The following TMEM272 variants were observed in gnomAD, a reference collection of about 807,000 sequenced individuals.
TMEM272 encodes the protein transmembrane protein 272, also known as long intergenic non-protein coding RNA 282.
Under a neutral mutation model 3.7 loss-of-function variants are expected in TMEM272, and 8 were observed. That is an observed-to-expected ratio of 2.17 (90% confidence interval 1.27 to 3.91). The LOEUF (loss-of-function observed/expected upper bound fraction) is 3.91. Ranked by LOEUF, TMEM272 falls within the 30% of genes most tolerant of loss-of-function variation. The pLI, the probability that TMEM272 is intolerant of heterozygous loss-of-function variation, is 0.00. For missense variants in TMEM272, 166 were observed against 91.5 expected (o/e 1.81, Z -3.32); for synonymous variants, 63 against 39.8 (o/e 1.58, Z -2.20).
the TMEM272 span, among the ~76,000 whole-genome samples, chr13:51,926,917 T>C: frequency 6.6e-6 from 1 of 152,120 alleles, no homozygotes; most frequent in Non-Finnish European, 1.5e-5. Context: ...CAAACATATA[T>C]ATAAAACACT....
chr13:51,829,240 G>A (rs1183489872), intron 2 of TMEM272, among the ~76,000 whole-genome samples: 2 of 151,932 alleles, frequency 1.3e-5, no homozygotes, highest in Admixed American at 6.6e-5. Flanking sequence ...TAAGATGAAC[G>A]GTAAAATATA....
intron 2 of TMEM272, among the ~76,000 whole-genome samples, chr13:51,835,457 G>A (rs1054248618): frequency 1.1e-4 from 17 of 152,042 alleles, no homozygotes; most frequent in Non-Finnish European, 4.4e-5. Flanking sequence ...ATCTCTTGAC[G>A]TCGTGATCTG....
chr13:51,928,699 C>T, the TMEM272 span, among the ~76,000 whole-genome samples: 1 of 152,026 alleles, frequency 6.6e-6, no homozygotes, highest in Non-Finnish European at 1.5e-5. Context: ...GTAGAGTGGC[C>T]CCCAGGGATT....
intron 4 of TMEM272, among the ~76,000 whole-genome samples, chr13:51,819,515 G>T (rs1956061157): frequency 6.6e-6 from 1 of 152,214 alleles, no homozygotes; most frequent in Admixed American, 6.5e-5. Flanking sequence ...CCAGCCCAAG[G>T]AAAGAGCCGT....
intron 3 of TMEM272, among the ~76,000 whole-genome samples, chr13:51,826,063 G>A (rs1010485757): frequency 6.0e-5 from 9 of 148,844 alleles, no homozygotes; most frequent in African/African-American, 2.0e-4. Context: ...CCTGACCTTC[G>A]CTAGACCTCA....
chr13:51,822,444 A>G (rs1453131296), intron 3 of TMEM272, among the ~76,000 whole-genome samples: 1 of 152,218 alleles, frequency 6.6e-6, no homozygotes, highest in African/African-American at 2.4e-5. Flanking sequence ...CTGAATAGCC[A>G]GTGTATGAGA....
At chr13:51,864,252 C>T in the TMEM272 span, among the ~76,000 whole-genome samples, 53 of 152,100 alleles carry the variant, frequency 3.5e-4, no homozygotes, top group African/African-American at 1.3e-3. Flanking sequence ...ACACATGAAA[C>T]CGCCACCAAG....
chr13:51,846,159 C>G (rs934192552), upstream of TMEM272, among the ~76,000 whole-genome samples: 1 of 152,178 alleles, frequency 6.6e-6, no homozygotes, highest in African/African-American at 2.4e-5. Flanking sequence ...TCTCCCAGTC[C>G]TGAATCCAAG....
At chr13:51,822,024 G>A in intron 4 of TMEM272, 31 bp downstream of exon 4, 1 of 702,364 alleles carries the variant, frequency 1.4e-6, no homozygotes. Flanking sequence ...ATTTCTACAA[G>A]GACTACAAAC....
chr13:51,866,130 T>A, the TMEM272 span: 1 of 1,458,696 alleles, frequency 6.9e-7, no homozygotes, highest in Non-Finnish European at 9.2e-7. Context: ...TGGGTTGGGA[T>A]TCAAGTCCAG....
the TMEM272 span, among the ~76,000 whole-genome samples, chr13:51,932,173 G>A: frequency 2.4e-4 from 36 of 152,128 alleles, no homozygotes; most frequent in East Asian, 5.8e-3. Context: ...ACTCCCTTCA[G>A]GTGTGGCTCA....
chr13:51,917,646 G>A, the TMEM272 span, among the ~76,000 whole-genome samples: 57 of 152,290 alleles, frequency 3.7e-4, no homozygotes, highest in African/African-American at 1.3e-3. Context: ...AGGGCTCTGC[G>A]CTAAAAGCAA....
intron 1 of TMEM272, among the ~76,000 whole-genome samples, chr13:51,843,479 C>G (rs1228084214): frequency 6.6e-6 from 1 of 152,144 alleles, no homozygotes; most frequent in East Asian, 1.9e-4. Context: ...AGAGCAAATA[C>G]ATACTAATGA....
At chr13:51,883,387 G>T in the TMEM272 span, among the ~76,000 whole-genome samples, 11 of 152,218 alleles carry the variant, frequency 7.2e-5, no homozygotes, top group African/African-American at 2.7e-4. Context: ...CGAAGAGTGA[G>T]CAAGACAGAG....
At chr13:51,871,583 G>A in the TMEM272 span, among the ~76,000 whole-genome samples, 1 of 152,038 alleles carries the variant, frequency 6.6e-6, no homozygotes, top group Non-Finnish European at 1.5e-5. Context: ...ATGTCAGTGA[G>A]CCACTTTGGA....
the TMEM272 span, among the ~76,000 whole-genome samples, chr13:51,858,851 T>A: frequency 6.6e-6 from 1 of 152,078 alleles, no homozygotes; most frequent in Non-Finnish European, 1.5e-5. Flanking sequence ...CCTTCCCCCC[T>A]GCAAACAGTG....
chr13:51,914,442 G>A, the TMEM272 span, among the ~76,000 whole-genome samples: 2 of 152,236 alleles, frequency 1.3e-5, no homozygotes, highest in Admixed American at 1.3e-4. Flanking sequence ...CACCTTGCAG[G>A]TCTTGAGACT....
the TMEM272 span, chr13:51,921,419 G>A: frequency 3.9e-5 from 6 of 152,296 alleles, no homozygotes; most frequent in African/African-American, 1.4e-4. Flanking sequence ...TGATCCAAGG[G>A]CAGGAAAGAA....
chr13:51,834,300 T>C (rs1165434691), intron 2 of TMEM272, among the ~76,000 whole-genome samples: 2 of 151,982 alleles, frequency 1.3e-5, no homozygotes, highest in Non-Finnish European at 2.9e-5. Context: ...ACAAAGGGTG[T>C]GTAGAGGAAA....
Sources: allele counts gnomAD v4.1 joint callset (sites outside exome capture counted in the v4.1 genomes callset), GRCh38; gene constraint gnomAD v4.1.1; transcripts MANE v1.5; gene names NCBI Gene and HGNC (gene_info 2026-07-23, HGNC 2026-07-21).